Variants in ARHGAP9 observed in about 807,000 individuals in gnomAD.
ARHGAP9 encodes rho GTPase-activating protein 9.
Under a neutral mutation model 87.3 loss-of-function variants are expected in ARHGAP9, and 76 were observed. That is an observed-to-expected ratio of 0.87 (90% CI 0.72 to 1.05). The LOEUF (loss-of-function observed/expected upper bound fraction) is 1.05, where lower values mean the gene tolerates loss of function less well. Among genes scored for constraint, ARHGAP9 ranks in the 50% least tolerant of loss-of-function variants. The pLI is 0.00. For missense variants in ARHGAP9, 941 were observed against 960.5 expected, an observed-to-expected ratio of 0.98 and a Z score of 0.27; for synonymous variants, 382 against 394.9, an observed-to-expected ratio of 0.97 and a Z score of 0.39.
intron 1 of ARHGAP9, among the ~76,000 whole-genome samples, chr12:57,486,688 A>G (rs1875436017): frequency 6.7e-6 from 1 of 149,106 alleles, no homozygotes; most frequent in African/African-American, 2.4e-5. Context: ...GATCGAGACC[A>G]TCCTGGCTAA....
At chr12:57,488,048 G>T in intron 1 of ARHGAP9, 2 of 1,556,556 alleles carry the variant, frequency 1.3e-6, no homozygotes, top group Non-Finnish European at 8.9e-7. Context: ...ACTCAGAAGC[G>T]GGAGGCCGGT....
chr12:57,488,157 C>T, intron 1 of ARHGAP9: 1 of 1,614,124 alleles, frequency 6.2e-7, no homozygotes, highest in Non-Finnish European at 8.5e-7. Flanking sequence ...CGGGAGAGCC[C>T]GGGGCAGAGC....
intron 3 of ARHGAP9, chr12:57,477,885 T>A: frequency 7.3e-7 from 1 of 1,366,670 alleles, no homozygotes; most frequent in South Asian, 1.5e-5. Context: ...TTTGCTCTTC[T>A]CCTCACTTCC....
intron 17 of ARHGAP9, 68 bp downstream of exon 17, chr12:57,473,535 C>G (rs1872552322): frequency 6.9e-7 from 1 of 1,445,106 alleles, no homozygotes; most frequent in South Asian, 1.2e-5. Flanking sequence ...TCCACCTGCA[C>G]AGAGTCCCTG....
chr12:57,475,000 C>A (rs1873054102), intron 12 of ARHGAP9, 27 bp from the exon 13 acceptor site: 1 of 1,604,636 alleles, frequency 6.2e-7, no homozygotes. Context: ...AGGCGGGAAG[C>A]CAGTGCCAGC....
chr12:57,478,759 T>C lies in ARHGAP9; in HGVS notation c.317-2A>G. On this transcript the variant is annotated splice_acceptor_variant, in intron 2 of 17. Transcript: ENST00000393791. LOFTEE classifies it high-confidence loss of function. ...GGGAACCATGAAACAACTTCGGCCC[T>C]GGAAACAGAAAAGGGGAGGGTGGGT... is the stretch of plus-strand genomic sequence containing the variant. The C allele has an allele frequency of 6.2e-7, 1 of 1,603,792 alleles. No individual in the cohort carries two copies. Among genetic ancestry groups the C allele is most frequent in the South Asian group, 1.1e-5 (1 of 90,718 alleles).
At chr12:57,485,905 T>C (rs547705604) in intron 1 of ARHGAP9, among the ~76,000 whole-genome samples, 1 of 152,248 alleles carries the variant, frequency 6.6e-6, no homozygotes, top group South Asian at 2.1e-4. Flanking sequence ...TTGGTAAGGA[T>C]GACTGGAATG....
intron 1 of ARHGAP9, among the ~76,000 whole-genome samples, chr12:57,486,609 C>T (rs1274130012): frequency 1.4e-3 from 1 of 728 alleles, no homozygotes; most frequent in African/African-American, 7.0e-3. Context: ...GATGTTTGGC[C>T]GGGCGCGGCT....
Position 57,474,690 on chromosome 12 carries a change from A to G in ARHGAP9, c.1665T>C (p.Asp555=), listed in dbSNP as rs2292619. 753 of 1,614,204 alleles carry G rather than the reference A, an allele frequency of 4.7e-4. 8 individuals carry two copies. In the East Asian group the frequency reaches 0.012, roughly 27 times the overall value. The change falls in exon 14 of 18, where the codon GAT becomes GAC. Residue 555 remains aspartate, a synonymous_variant. Coordinates refer to ENST00000393791, the MANE Select transcript of ARHGAP9 (RefSeq NM_032496.4). ...AAVDKRGLDV[D]GIYRVSGNLA... is the part of the protein sequence containing the mutation. Reference sequence around the variant, plus strand: ...AGTTCCCGCTCACCCGATAAATGCCATCCACATCTAGACCTGGGAGATGAG... The same window carrying G: ...AGTTCCCGCTCACCCGATAAATGCCGTCCACATCTAGACCTGGGAGATGAG...
chr12:57,478,786 G>T, intron 2 of ARHGAP9, 29 bp from the exon 3 acceptor site: 1 of 1,581,664 alleles, frequency 6.3e-7, no homozygotes, highest in Non-Finnish European at 8.6e-7. Flanking sequence ...AGGGTGGGTG[G>T]CAGGTGATCA....
chr12:57,475,338 G>C lies in ARHGAP9; in HGVS notation c.1505C>G (p.Ala502Gly). 6.2e-7 allele frequency: 1 copy of C among 1,602,792 alleles called. No homozygotes were observed. Among genetic ancestry groups the C allele is most frequent in the Non-Finnish European group, 8.5e-7 (1 of 1,174,470 alleles). ...CAGGCTTTGTAAGGGCGGTCTCTTC[G>C]CGATGAGCCGCTTTAGTTTGTTGCG... ...RVRNKLKRLIAKRPPLQSLQE... is the reference protein window; with the variant it reads ...RVRNKLKRLIGKRPPLQSLQE... Residue 502 changes from alanine to glycine, a missense_variant, in exon 12 of 18, where the codon GCG (alanine) becomes GGG (glycine). Physicochemically the swap from Ala to Gly is moderately conservative, Grantham distance 60. Coordinates refer to ENST00000393791, the MANE Select transcript of ARHGAP9 (RefSeq NM_032496.4).
At chr12:57,476,546 A>G (rs1197339061) in intron 7 of ARHGAP9, 44 bp downstream of exon 7, 2 of 1,613,274 alleles carry the variant, frequency 1.2e-6, no homozygotes, top group Non-Finnish European at 1.7e-6. Flanking sequence ...GCTCTACCCT[A>G]TGGAGTTGAC....
At chr12:57,488,765 C>T in exon 1 of ARHGAP9, 1 of 1,082,870 alleles carries the variant, frequency 9.2e-7, no homozygotes, top group East Asian at 2.6e-5. Flanking sequence ...GGCTGCAGCA[C>T]TATCCCAATA....
chr12:57,475,688 C>T, intron 10 of ARHGAP9, 73 bp from the exon 11 acceptor site: 2 of 1,570,052 alleles, frequency 1.3e-6, no homozygotes, highest in Non-Finnish European at 1.7e-6. Context: ...CTCTGACCCA[C>T]TGCCGGGGTC....
upstream of ARHGAP9, chr12:57,484,054 A>T (rs1430096738): frequency 2.6e-4 from 72 of 271,858 alleles, no homozygotes; most frequent in Admixed American, 5.7e-4. Context: ...AAAAAAAAAA[A>T]AAAAAAAAAA....
chr12:57,479,540 T>C (rs1187477989), intron 1 of ARHGAP9, 116 bp from the exon 2 acceptor site: 9 of 1,490,872 alleles, frequency 6.0e-6, no homozygotes, highest in African/African-American at 2.8e-5. Flanking sequence ...AGCCCTTGAG[T>C]TGGGGGAGAG....
rs761137488 is a variant in ARHGAP9 at position 57,477,509 on chromosome 12, G to C, written c.706C>G (p.Leu236Val). 6.2e-7 allele frequency: 1 copy of C among 1,614,146 alleles called. No homozygotes were observed. The highest frequency in any genetic ancestry group is 8.5e-7 in the Non-Finnish European group (1 of 1,180,010). ...GGCTTCCAGGACTTGCAGCCAGTCAGTGAATTTATGTAGAAGCAGCGTCCA... is the reference window on the plus strand; with the variant it reads ...GGCTTCCAGGACTTGCAGCCAGTCACTGAATTTATGTAGAAGCAGCGTCCA... Reference protein sequence around the residue: ...NSGRCFYINSLTGCKSWKPPR... With the variant: ...NSGRCFYINSVTGCKSWKPPR... Residue 236 changes from leucine (L) to valine (V), a missense_variant, in exon 4 of 18, where the codon CTG (leucine) becomes GTG (valine). By Grantham distance (32) the Leu-to-Val change is conservative. Coordinates refer to ENST00000393791, the MANE Select transcript of ARHGAP9 (RefSeq NM_032496.4).
intron 1 of ARHGAP9, chr12:57,487,901 T>C: frequency 2.0e-6 from 1 of 509,212 alleles, no homozygotes; most frequent in Non-Finnish European, 3.6e-6. Flanking sequence ...ATCTGCGGCC[T>C]CTTCATCTCG....
Position 57,488,329 on chromosome 12 carries a change from C to T in ARHGAP9, c.-204+283G>A, listed in dbSNP as rs1437199483. ...CCAATCGACCACTTCTCCTATTATC[C>T]TTGATCACTCCACGCCTTCTTCCCT... On this transcript the variant is annotated intron_variant, in intron 1 of 20. Transcript: ENST00000393797. The T allele has an allele frequency of 4.7e-6, 4 of 844,876 alleles. No individual in the cohort carries two copies. The Admixed American group carries it at 9.9e-5, about 21-fold the overall frequency. The allele number at this position is 844,876 out of a possible 1,614,324, so 52.3% of individuals were successfully genotyped here.
Sources: gnomAD v4.1 joint callset for allele counts (sites outside exome capture counted in the v4.1 genomes callset) on GRCh38, gnomAD v4.1.1 for gene constraint, MANE v1.5 for transcripts, NCBI Gene and HGNC (gene_info 2026-07-23, HGNC 2026-07-21) for gene names.